The following SCD5 variants were observed in gnomAD, a reference collection of about 807,000 sequenced individuals.
The protein encoded by SCD5 is stearoyl-CoA desaturase 5, also known as acyl-CoA-desaturase 4.
A neutral mutation model predicts 30.4 loss-of-function variants in SCD5; 20 were observed. The ratio of observed to expected loss-of-function variants is 0.66; its 90% CI spans 0.46 to 0.96. SCD5 has a LOEUF of 0.96. SCD5 is among the 40% of genes least tolerant of loss of function. The pLI, the probability that SCD5 is intolerant of heterozygous loss-of-function variation, is 0.00. For missense variants in SCD5, 381 were observed against 443.3 expected (o/e 0.86, Z 1.26); for synonymous variants, 173 against 176.4 (o/e 0.98, Z 0.16).
At chr4:82,795,808 A>AT in intron 1 of SCD5, among the ~76,000 whole-genome samples, 1 of 119,496 alleles carries the variant, frequency 8.4e-6, no homozygotes, top group Non-Finnish European at 1.8e-5. Context: ...ACCCTGTCTC[A>AT]CAAAAAAAAA....
chr4:82,646,350 CCTTT>C (rs1303683662), intron 3 of SCD5, among the ~76,000 whole-genome samples: 1 of 152,158 alleles, frequency 6.6e-6, no homozygotes, highest in African/African-American at 2.4e-5. Context: ...TCTCCCCCTT[CCTTT>C]GTCTCCTCTG....
intron 1 of SCD5, among the ~76,000 whole-genome samples, chr4:82,706,558 T>C (rs1388232811): frequency 1.3e-5 from 2 of 152,272 alleles, no homozygotes; most frequent in Non-Finnish European, 2.9e-5. Flanking sequence ...GACCTGGCCC[T>C]GGCCTAGTAT....
chr4:82,776,010 C>G (rs915573983), intron 1 of SCD5: 2 of 152,714 alleles, frequency 1.3e-5, no homozygotes, highest in Non-Finnish European at 2.9e-5. Flanking sequence ...AGGACTTCAT[C>G]TCATGAAGGC....
intron 1 of SCD5, among the ~76,000 whole-genome samples, chr4:82,728,940 C>T (rs916043235): frequency 6.6e-6 from 1 of 152,288 alleles, no homozygotes; most frequent in Non-Finnish European, 1.5e-5. Context: ...GACTTTGTCT[C>T]TCTGAAGGAG....
intron 2 of SCD5, among the ~76,000 whole-genome samples, chr4:82,691,025 T>A (rs1490594873): frequency 2.0e-5 from 3 of 152,074 alleles, no homozygotes; most frequent in Non-Finnish European, 4.4e-5. Flanking sequence ...TTTGTTTGTT[T>A]TGTTTTGTTT....
At chr4:82,732,076 G>A (rs943258224) in intron 1 of SCD5, among the ~76,000 whole-genome samples, 7 of 151,960 alleles carry the variant, frequency 4.6e-5, no homozygotes, top group Non-Finnish European at 7.4e-5. Flanking sequence ...CAGGGAGGAA[G>A]ATTCTTTTCT....
chr4:82,752,449 A>G (rs1302986119), intron 1 of SCD5, among the ~76,000 whole-genome samples: 3 of 152,080 alleles, frequency 2.0e-5, no homozygotes, highest in African/African-American at 4.8e-5. Flanking sequence ...TACTTCTTCT[A>G]CTAGGTTAGG....
At chr4:82,764,011 T>C (rs1019221630) in intron 1 of SCD5, among the ~76,000 whole-genome samples, 40 of 152,236 alleles carry the variant, frequency 2.6e-4, no homozygotes, top group African/African-American at 9.6e-4. Context: ...TCCATCCTCC[T>C]ATTTTTAATG....
At chr4:82,798,023 C>G (rs1346107389) in intron 1 of SCD5, among the ~76,000 whole-genome samples, 17 of 151,774 alleles carry the variant, frequency 1.1e-4, no homozygotes, top group Non-Finnish European at 2.1e-4. Flanking sequence ...CCGGGTCCCC[C>G]CCGGCTCTCC....
chr4:82,737,317 A>AT (rs965962420), intron 1 of SCD5, among the ~76,000 whole-genome samples: 29 of 151,756 alleles, frequency 1.9e-4, no homozygotes, highest in South Asian at 6.2e-4. Flanking sequence ...ACATGTTCAG[A>AT]TTTTTTTTTG....
intron 2 of SCD5, among the ~76,000 whole-genome samples, chr4:82,701,765 T>C (rs1719848072): frequency 6.6e-6 from 1 of 152,160 alleles, no homozygotes; most frequent in Non-Finnish European, 1.5e-5. Context: ...TAAGGAAATA[T>C]GAGCCACGAG....
chr4:82,682,060 G>C (rs1366905546), intron 2 of SCD5, among the ~76,000 whole-genome samples: 1 of 152,238 alleles, frequency 6.6e-6, no homozygotes, highest in Non-Finnish European at 1.5e-5. Flanking sequence ...GACAACTTTG[G>C]CTCCTTGGGA....
At chr4:82,649,244 T>G (rs1257002241) in intron 3 of SCD5, among the ~76,000 whole-genome samples, 1 of 150,744 alleles carries the variant, frequency 6.6e-6, no homozygotes, top group Admixed American at 6.6e-5. Flanking sequence ...TTAGAGGCAG[T>G]TCATTAACAT....
chr4:82,712,297 T>TATATATATACATA (rs1560540874), intron 1 of SCD5, among the ~76,000 whole-genome samples: 2 of 33,746 alleles, frequency 5.9e-5, no homozygotes, highest in African/African-American at 1.0e-4. Flanking sequence ...TATATATATA[T>TATATATATACATA]TTTATTTTTA....
At chr4:82,798,213 C>A in intron 1 of SCD5, 93 bp downstream of exon 1, 2 of 1,157,738 alleles carry the variant, frequency 1.7e-6, no homozygotes, top group Non-Finnish European at 2.1e-6. Flanking sequence ...TCGCTGCGCA[C>A]CGCCCGCAGC....
chr4:82,654,720 T>C (rs1454582348), intron 3 of SCD5, among the ~76,000 whole-genome samples: 1 of 152,130 alleles, frequency 6.6e-6, no homozygotes, highest in Non-Finnish European at 1.5e-5. Flanking sequence ...ACTCTGCAAC[T>C]TGTCTGGTCA....
intron 3 of SCD5, among the ~76,000 whole-genome samples, chr4:82,665,231 C>CAA (rs35422547): frequency 1.2e-3 from 86 of 72,076 alleles, no homozygotes; most frequent in African/African-American, 3.3e-3. Flanking sequence ...GACCCTGTCT[C>CAA]AAAAAAAAAA....
At chr4:82,690,806 C>A (rs1350412744) in intron 2 of SCD5, among the ~76,000 whole-genome samples, 1 of 152,032 alleles carries the variant, frequency 6.6e-6, no homozygotes, top group African/African-American at 2.4e-5. Flanking sequence ...ATTTACTGAC[C>A]GGTACACACT....
intron 1 of SCD5, among the ~76,000 whole-genome samples, chr4:82,779,654 G>A (rs1221803725): frequency 2.0e-5 from 3 of 152,192 alleles, no homozygotes; most frequent in Non-Finnish European, 4.4e-5. Context: ...ACAACCTCAT[G>A]CAAACCCTGA....
Sources: gnomAD v4.1 joint callset for allele counts (sites outside exome capture counted in the v4.1 genomes callset) on GRCh38, gnomAD v4.1.1 for gene constraint, MANE v1.5 for transcripts, NCBI Gene and HGNC (gene_info 2026-07-23, HGNC 2026-07-21) for gene names.